EXOC3L1: variants seen among roughly 807,000 people sequenced by gnomAD.
The protein encoded by EXOC3L1 is exocyst complex component 3-like protein.
A neutral mutation model predicts 83.6 loss-of-function variants in EXOC3L1; 79 were observed. That is an observed-to-expected ratio of 0.95 (90% confidence interval 0.79 to 1.14). EXOC3L1 has a LOEUF of 1.14. EXOC3L1 is among the 50% of genes most tolerant of loss of function. EXOC3L1 has a pLI of 0.00. For synonymous variants in EXOC3L1, 433 were observed against 451.2 expected, an observed-to-expected ratio of 0.96 and a Z score of 0.51; for missense variants, 945 against 972.0, an observed-to-expected ratio of 0.97 and a Z score of 0.37.
chr16:67,187,991 C>A (rs953455917), intron 4 of EXOC3L1, among the ~76,000 whole-genome samples, 154 bp from the exon 5 acceptor site: 1 of 152,222 alleles, frequency 6.6e-6, no homozygotes, highest in African/African-American at 2.4e-5. Flanking sequence ...TGCCTGTAAT[C>A]CCAGCACTTC....
At position 67,186,831 on chromosome 16, in the gene EXOC3L1, C is replaced by G; in HGVS notation, c.1212G>C (p.Trp404Cys). The G allele has an allele frequency of 4.3e-6, 7 of 1,613,656 alleles. No homozygotes were observed. The highest frequency in any genetic ancestry group is 5.9e-6 in the Non-Finnish European group (7 of 1,180,008). ...QNALDGEVAE[W>C]GREHGPNTDP... ...CTGTGTTGGGCCCATGCTCCCGGCC[C>G]CACTCAGCTACCTCCCCATCCAGTG... The change falls in exon 7 of 14, where the codon TGG (tryptophan) becomes TGC (cysteine). Residue 404 changes from tryptophan (W) to cysteine (C), a missense_variant. Coordinates refer to ENST00000314586, the MANE Select transcript of EXOC3L1 (RefSeq NM_178516.4).
At chr16:67,185,724 A>G in intron 9 of EXOC3L1, 1 of 580,438 alleles carries the variant, frequency 1.7e-6, no homozygotes. Context: ...TGCGTCCTTG[A>G]GGAAAACATT....
rs116693558 is a variant in EXOC3L1 at position 67,187,332 on chromosome 16, C to G, written c.933G>C (p.Thr311=). 435 of 1,612,954 alleles carry G rather than the reference C, an allele frequency of 2.7e-4. 3 individuals carry two copies. The African/African-American group carries it at 5.3e-3, about 20-fold the overall frequency. Reference sequence around the variant, plus strand: ...GGCTGCGGCGCAAACCACTATGCAGCGTGTGGGCCCATAGCTGGACCACGT... The same window carrying G: ...GGCTGCGGCGCAAACCACTATGCAGGGTGTGGGCCCATAGCTGGACCACGT... ...QYNVVQLWAH[T]LHSGLRRSLQ... Residue 311 remains threonine, a synonymous_variant, in exon 5 of 14, where the codon ACG becomes ACC. Transcript: ENST00000314586.
chr16:67,184,934 C>T lies in EXOC3L1; in HGVS notation c.1873G>A (p.Ala625Thr). Residue 625 changes from alanine to threonine, a missense_variant, in exon 12 of 14, where the codon GCT becomes ACT. Coordinates refer to ENST00000314586, the MANE Select transcript of EXOC3L1 (RefSeq NM_178516.4). ...TQAAERLRHD[A>T]AQLQQLFLSL... ...AGGAAAAGCTGCTGAAGCTGGGCAG[C>T]ATCGTGCCGCAGGCGCTCGGCCGCC... 2 of 1,611,966 alleles carry T rather than the reference C, an allele frequency of 1.2e-6. No homozygotes were observed. Among genetic ancestry groups the T allele is most frequent in the Non-Finnish European group, 1.7e-6 (2 of 1,179,628 alleles).
intron 9 of EXOC3L1, 21 bp from the exon 10 acceptor site, chr16:67,185,511 G>T (rs759432186): frequency 2.2e-5 from 36 of 1,600,818 alleles, no homozygotes; most frequent in Non-Finnish European, 3.0e-5. Flanking sequence ...CAAAACTACG[G>T]CTTCAGGACC....
chr16:67,185,988 C>A (rs1344984289), intron 9 of EXOC3L1, among the ~76,000 whole-genome samples: 1 of 152,194 alleles, frequency 6.6e-6, no homozygotes, highest in Non-Finnish European at 1.5e-5. Flanking sequence ...GGCCACTTTA[C>A]ATGTTATCTC....
Position 67,187,004 on chromosome 16 carries a change from G to T in EXOC3L1, c.1158+17C>A. The T allele has an allele frequency of 6.2e-7, 1 of 1,613,478 alleles. No homozygotes were observed. Among genetic ancestry groups the T allele is most frequent in the African/African-American group, 1.3e-5 (1 of 75,036 alleles). ...AGATAAGTAGGACTTCTCTGGACCT[G>T]TGCCTCAACTACTCACCTGGATGTT... On this transcript the variant is annotated intron_variant, in intron 6 of 13. Transcript: ENST00000314586.
In EXOC3L1 at chr16:67,187,561, G is replaced by T. The variant is rs757595093; in HGVS notation, c.704C>A (p.Thr235Asn). 6.2e-7 allele frequency: 1 copy of T among 1,603,896 alleles called. No homozygotes were observed. Among genetic ancestry groups the T allele is most frequent in the Non-Finnish European group, 8.5e-7 (1 of 1,178,618 alleles). ...GTCCCGGGGGACCTGGCCCAGGGGG[G>T]TTGTTCGTCCAGTCTCCACCTCCGC... ...RVAEVETGRT[T>N]PLGQVPRDWR... is the part of the protein sequence containing the mutation. Residue 235 changes from threonine (T) to asparagine (N), a missense_variant, in exon 5 of 14, where the codon ACC (threonine) becomes AAC (asparagine). Transcript: ENST00000314586.
chr16:67,189,281 T>C, intron 2 of EXOC3L1, 101 bp from the exon 3 acceptor site: 1 of 1,220,976 alleles, frequency 8.2e-7, no homozygotes, highest in African/African-American at 1.5e-5. Context: ...TATTTGTTTG[T>C]TTATTTGTTT....
chr16:67,188,711 G>A lies in EXOC3L1; in HGVS notation c.427+10C>T. 1 of 1,606,038 alleles carries A rather than the reference G, an allele frequency of 6.2e-7. No homozygotes were observed. The highest frequency in any genetic ancestry group is 2.2e-5 in the East Asian group (1 of 44,710). On this transcript the variant is annotated intron_variant, in intron 4 of 13. Coordinates refer to ENST00000314586, the MANE Select transcript of EXOC3L1 (RefSeq NM_178516.4). ...TTGGAGGCTGAGGCCCAGGGTCCCT[G>A]CATGCTCACCTGCCCGCAGCCGAGG...
chr16:67,186,164 G>C lies in EXOC3L1; in HGVS notation c.1496+73C>G, dbSNP rs927043561. On this transcript the variant is annotated intron_variant, in intron 9 of 13. Transcript: ENST00000314586. ...CCAAAGTCCCTAGTGTCCTAGTGTG[G>C]GCTGAGCCCATACATAATAGGTACT... The C allele has an allele frequency of 3.7e-6, 4 of 1,067,564 alleles. No individual in the cohort carries two copies. In the Admixed American group the frequency reaches 6.0e-5, roughly 16 times the overall value. 66.1% of individuals were successfully genotyped at this position (1,067,564 alleles called of 1,614,324 possible). A position where few individuals can be genotyped will look rare whatever the true frequency, so the allele number is the denominator to read the frequency against.
rs1262644102 is a variant in EXOC3L1, at chr16:67,186,747, C to G, written c.1284+12G>C. 1.2e-6 allele frequency: 2 copies of G among 1,613,800 alleles called. No individual in the cohort carries two copies. Among genetic ancestry groups the G allele is most frequent in the Admixed American group, 3.3e-5 (2 of 60,008 alleles). On this transcript the variant is annotated intron_variant, in intron 7 of 13. Coordinates refer to ENST00000314586, the MANE Select transcript of EXOC3L1 (RefSeq NM_178516.4). Reference sequence around the variant, plus strand: ...TGGAGGCTGCCTGCCTGTCTGGCCACTTCCCACCTACCTGCAGCACAATGG... The same window carrying G: ...TGGAGGCTGCCTGCCTGTCTGGCCAGTTCCCACCTACCTGCAGCACAATGG...
chr16:67,189,821 G>T, intron 1 of EXOC3L1, 138 bp from the exon 2 acceptor site: 1 of 800,878 alleles, frequency 1.2e-6, no homozygotes, highest in African/African-American at 1.7e-5. Flanking sequence ...AGAGGGAGCG[G>T]GTGTGATGCG....
chr16:67,186,598 C>G lies in EXOC3L1; in HGVS notation c.1344G>C (p.Val448=). The G allele has an allele frequency of 6.2e-7, 1 of 1,614,112 alleles. No homozygotes were observed. ...SLVSESLQQR[V]HGMALSELGT... ...CCAGTTCTGACAGTGCCATGCCATG[C>G]ACTCGCTGTTGCAGTGACTCACTGA... is the stretch of plus-strand genomic sequence containing the variant. The change falls in exon 8 of 14, where the codon GTG becomes GTC. Residue 448 remains valine (V), a synonymous_variant. Coordinates refer to ENST00000314586, the MANE Select transcript of EXOC3L1 (RefSeq NM_178516.4).
rs2032614304 is a variant in EXOC3L1, at chr16:67,184,380, C to T, written c.*14G>A. ...CCCCAACACACACAGACTCAGGCGT[C>T]CGGCAGCCGTGGTTTATTCTGCGAG... On this transcript the variant is annotated 3_prime_UTR_variant, in exon 14 of 14. Coordinates refer to ENST00000314586, the MANE Select transcript of EXOC3L1 (RefSeq NM_178516.4). The T allele has an allele frequency of 9.1e-6, 14 of 1,534,974 alleles. No individual in the cohort carries two copies. The highest frequency in any genetic ancestry group is 1.2e-5 in the Non-Finnish European group (14 of 1,146,070).
Position 67,187,369 on chromosome 16 carries a change from G to T in EXOC3L1, c.896C>A (p.Pro299Gln). 1 of 1,612,754 alleles carries T rather than the reference G, an allele frequency of 6.2e-7. No individual in the cohort carries two copies. The highest frequency in any genetic ancestry group is 8.5e-7 in the Non-Finnish European group (1 of 1,179,994). ...TAEALVAPCCPPQYNVVQLWA... is the reference protein window; with the variant it reads ...TAEALVAPCCQPQYNVVQLWA... ...TAGCTGGACCACGTTGTACTGTGGC[G>T]GGCAGCAAGGCGCTACTAGTGCCTC... Residue 299 changes from proline (P) to glutamine (Q), a missense_variant, in exon 5 of 14, where the codon CCG (proline) becomes CAG (glutamine). Transcript: ENST00000314586.
At chr16:67,186,516 G>A (rs774438211) in intron 8 of EXOC3L1, 41 bp downstream of exon 8, 1 of 1,595,218 alleles carries the variant, frequency 6.3e-7, no homozygotes, top group South Asian at 1.1e-5. Context: ...TGCCTGGGGA[G>A]CAGGGATAGG....
rs553497676 is a variant in EXOC3L1, at chr16:67,185,349, A to G, written c.1626+12T>C. 1 of 1,612,880 alleles carries G rather than the reference A, an allele frequency of 6.2e-7. No homozygotes were observed. The highest frequency in any genetic ancestry group is 1.1e-5 in the South Asian group (1 of 91,082). On this transcript the variant is annotated intron_variant, in intron 10 of 13. Coordinates refer to ENST00000314586, the MANE Select transcript of EXOC3L1 (RefSeq NM_178516.4). The stretch of plus-strand genomic sequence containing the variant: ...TCCACCTGCTCCCATCCTGACCTGA[A>G]GGAGGCCTCACCTGGAGCTCCGCCT...
At chr16:67,184,656 T>G in intron 13 of EXOC3L1, 30 bp downstream of exon 13, 1 of 1,578,374 alleles carries the variant, frequency 6.3e-7, no homozygotes, top group South Asian at 1.1e-5. Context: ...GCCCTCCGGC[T>G]TCTCTTCCCT....
Sources: allele counts gnomAD v4.1 joint callset (sites outside exome capture counted in the v4.1 genomes callset), GRCh38; gene constraint gnomAD v4.1.1; transcripts MANE v1.5; gene names NCBI Gene and HGNC (gene_info 2026-07-23, HGNC 2026-07-21).